Variants in BICDL1 observed in about 807,000 individuals in gnomAD.
BICDL1 encodes BICD family like cargo adaptor 1.
A neutral mutation model predicts 76.8 loss-of-function variants in BICDL1; 20 were observed. The ratio of observed to expected loss-of-function variants is 0.26; its 90% CI spans 0.18 to 0.38. The LOEUF (loss-of-function observed/expected upper bound fraction) is 0.38. BICDL1 is among the 10% of genes least tolerant of loss of function. The pLI, the probability that BICDL1 is intolerant of heterozygous loss-of-function variation, is 1.00. For synonymous variants in BICDL1, 383 were observed against 337.1 expected (o/e 1.14, Z -1.49); for missense variants, 700 against 798.6 (o/e 0.88, Z 1.49).
intron 1 of BICDL1, among the ~76,000 whole-genome samples, chr12:119,997,463 A>G (rs1270933248): frequency 6.6e-6 from 1 of 152,222 alleles, no homozygotes; most frequent in Admixed American, 6.5e-5. Context: ...TAGGTGCTCA[A>G]GAATGAATCA....
chr12:120,088,750 T>G (rs1025908560), intron 8 of BICDL1, among the ~76,000 whole-genome samples: 1 of 151,866 alleles, frequency 6.6e-6, no homozygotes, highest in Admixed American at 6.6e-5. Context: ...TACTGCAAGC[T>G]CCGCCTCCCG....
chr12:120,048,251 G>T (rs1952786388), intron 2 of BICDL1, among the ~76,000 whole-genome samples: 1 of 151,864 alleles, frequency 6.6e-6, no homozygotes, highest in Non-Finnish European at 1.5e-5. Flanking sequence ...CTATTTGCAG[G>T]CACGATCATA....
chr12:120,086,372 A>G (rs999208768), intron 8 of BICDL1, among the ~76,000 whole-genome samples: 2 of 152,240 alleles, frequency 1.3e-5, no homozygotes, highest in African/African-American at 2.4e-5. Context: ...GTTTTACCAG[A>G]TACTTCTTCC....
chr12:120,051,141 G>A (rs542337349), intron 2 of BICDL1, among the ~76,000 whole-genome samples: 12 of 150,414 alleles, frequency 8.0e-5, no homozygotes, highest in East Asian at 2.0e-4. Flanking sequence ...TCCACCACCC[G>A]GGTTCAAGCA....
chr12:120,048,019 C>T (rs189937455), intron 2 of BICDL1, among the ~76,000 whole-genome samples: 91 of 152,214 alleles, frequency 6.0e-4, no homozygotes, highest in African/African-American at 2.1e-3. Context: ...GACTCCTTTC[C>T]TCCCTCAATC....
intron 6 of BICDL1, among the ~76,000 whole-genome samples, chr12:120,074,191 G>A (rs915059505): frequency 1.3e-5 from 2 of 152,080 alleles, no homozygotes; most frequent in South Asian, 2.1e-4. Context: ...GGATTACAGC[G>A]TGAGCCACTG....
intron 2 of BICDL1, among the ~76,000 whole-genome samples, chr12:120,027,455 G>A (rs986690912): frequency 6.6e-6 from 1 of 152,116 alleles, no homozygotes; most frequent in Admixed American, 6.6e-5. Flanking sequence ...ATTTGAGATT[G>A]AAAATGGTGG....
intron 9 of BICDL1, chr12:120,092,138 A>C (rs1875026495): frequency 1.8e-5 from 18 of 985,324 alleles, no homozygotes; most frequent in Non-Finnish European, 2.2e-5. Flanking sequence ...TAGTGGCAGA[A>C]CTTTTGTCAA....
chr12:120,091,723 G>A (rs958293967), intron 9 of BICDL1: 8 of 985,358 alleles, frequency 8.1e-6, no homozygotes, highest in Middle Eastern at 5.2e-4. Context: ...GCTACCCCAC[G>A]ATGACTCAGG....
Position 120,013,439 on chromosome 12 carries a change from AGTGTGTGTGTGT to A in BICDL1, c.645+14736_645+14747del, listed in dbSNP as rs35499277. On this transcript the variant is annotated intron_variant, in intron 2 of 9. Transcript: ENST00000548673. Reference sequence around the variant, plus strand: ...TTGCAGGGACTATGTCTTTAACCAGAGTGTGTGTGTGTGTGTGTGTGTGTGTGTGTGTGTGTG... The same window carrying A: ...TTGCAGGGACTATGTCTTTAACCAGAGTGTGTGTGTGTGTGTGTGTGTGTG... 4.7e-4 allele frequency among the ~76,000 whole-genome samples: 63 copies of A among 134,890 alleles called. 1 individual carries two copies. Among genetic ancestry groups the A allele is most frequent in the Middle Eastern group, 7.4e-3 (2 of 272 alleles). 88.5% of individuals were successfully genotyped at this position (134,890 alleles called of 152,430 possible).
chr12:120,086,969 C>G (rs1264588185), intron 8 of BICDL1, among the ~76,000 whole-genome samples: 1 of 152,232 alleles, frequency 6.6e-6, no homozygotes, highest in Non-Finnish European at 1.5e-5. Flanking sequence ...CCCCACCATG[C>G]CCGGCGCTGC....
At position 120,039,637 on chromosome 12, in the gene BICDL1, C is replaced by CAAAAAAA. The variant is rs58284420; in HGVS notation, c.646-22056_646-22050dup. ...TGGGTGACAGAGTGAGACTCCGTCTCAAAAAAAAAAAAAAAAAAAAAAAGA... is the reference window on the plus strand; with the variant it reads ...TGGGTGACAGAGTGAGACTCCGTCTCAAAAAAAAAAAAAAAAAAAAAAAAAAAAAAGA... On this transcript the variant is annotated intron_variant, in intron 2 of 9. Transcript: ENST00000548673. Among the ~76,000 whole-genome samples the CAAAAAAA allele has an allele frequency of 3.1e-3, 170 of 54,242 alleles. 3 individuals are homozygous for CAAAAAAA. The highest frequency in any genetic ancestry group is 6.2e-3 in the African/African-American group (87 of 13,946). The allele number at this position is 54,242 out of a possible 152,430, so 35.6% of individuals were successfully genotyped here. A position where few individuals can be genotyped will look rare whatever the true frequency, so the allele number is the denominator to read the frequency against.
chr12:120,060,933 A>G (rs1457561425), intron 2 of BICDL1, among the ~76,000 whole-genome samples: 1 of 152,146 alleles, frequency 6.6e-6, no homozygotes, highest in East Asian at 1.9e-4. Context: ...TTTGGCCTCA[A>G]AAAAGCATTG....
chr12:120,080,949 T>C lies in BICDL1; in HGVS notation c.1515T>C (p.Thr505=), dbSNP rs1434189115. The C allele has an allele frequency of 6.2e-7, 1 of 1,613,780 alleles. No individual in the cohort carries two copies. Among genetic ancestry groups the C allele is most frequent in the Admixed American group, 1.7e-5 (1 of 59,990 alleles). Residue 505 remains threonine (T), a synonymous_variant, in exon 8 of 10, where the codon ACT becomes ACC. Coordinates refer to ENST00000548673, the MANE Select transcript of BICDL1 (RefSeq NM_001367886.1). ...LKEERDRLRV[T]SEDKEPKEQL... Reference sequence around the variant, plus strand: ...AGGAGAGAGACCGACTCAGAGTCACTTCTGAGGACAAGGAGCCAAAGGAGC... The same window carrying C: ...AGGAGAGAGACCGACTCAGAGTCACCTCTGAGGACAAGGAGCCAAAGGAGC...
In BICDL1 at chr12:120,071,764, G is replaced by C; in HGVS notation, c.1052G>C (p.Ser351Thr). ...TCCCTCCTGTCAGAGATCGAGCAGAGCATGGAGGCTGAGGAGCTGGAGCAG... is the reference window on the plus strand; with the variant it reads ...TCCCTCCTGTCAGAGATCGAGCAGACCATGGAGGCTGAGGAGCTGGAGCAG... The part of the protein sequence containing the change: ...STSLLSEIEQ[S>T]MEAEELEQER... Residue 351 changes from serine (S) to threonine (T), a missense_variant, in exon 5 of 10, where the codon AGC becomes ACC. Coordinates refer to ENST00000548673, the MANE Select transcript of BICDL1 (RefSeq NM_001367886.1). The surrounding 1 kb of genome is among the most constrained non-coding windows in gnomAD (Gnocchi z 4.8). 2.5e-6 allele frequency: 4 copies of C among 1,611,414 alleles called. No homozygotes were observed. The highest frequency in any genetic ancestry group is 2.5e-6 in the Non-Finnish European group (3 of 1,179,560).
At chr12:120,092,946 G>C (rs1875107855) in intron 9 of BICDL1, 54 bp from the exon 10 acceptor site, 1 of 1,497,508 alleles carries the variant, frequency 6.7e-7, no homozygotes, top group South Asian at 1.4e-5. Flanking sequence ...TCCAGCCCCA[G>C]GGTTAGGTGA....
Position 120,093,278 on chromosome 12 carries a change from GC to G in BICDL1, c.*121del, listed in dbSNP as rs1218545258. ...CAGCTGCCCTGCCCCTCATGCTAGG[GC>G]CCCATGGGTCCGGGAGGGCCTGCTC... On this transcript the variant is annotated 3_prime_UTR_variant, in exon 10 of 10. Coordinates refer to ENST00000548673, the MANE Select transcript of BICDL1 (RefSeq NM_001367886.1). 5 of 1,237,410 alleles carry G rather than the reference GC, an allele frequency of 4.0e-6. No homozygotes were observed. The highest frequency in any genetic ancestry group is 2.3e-6 in the Non-Finnish European group (2 of 879,900). 76.7% of individuals were successfully genotyped at this position (1,237,410 alleles called of 1,614,324 possible). A position where few individuals can be genotyped will look rare whatever the true frequency, so the allele number is the denominator to read the frequency against.
intron 2 of BICDL1, among the ~76,000 whole-genome samples, chr12:120,045,607 A>T (rs1207419691): frequency 6.6e-6 from 1 of 151,978 alleles, no homozygotes; most frequent in East Asian, 1.9e-4. Flanking sequence ...TGATGAGTTC[A>T]TGTCCTTTGT....
chr12:120,050,597 T>C (rs1033369211), intron 2 of BICDL1, among the ~76,000 whole-genome samples: 11 of 151,858 alleles, frequency 7.2e-5, no homozygotes. Flanking sequence ...TGTCTTCTAA[T>C]GCTTAGAAGT....
Sources: gnomAD v4.1 joint callset for allele counts (sites outside exome capture counted in the v4.1 genomes callset) on GRCh38, gnomAD v4.1.1 for gene constraint, Gnocchi (gnomAD v3.1) non-coding constraint, MANE v1.5 for transcripts, NCBI Gene and HGNC (gene_info 2026-07-23, HGNC 2026-07-21) for gene names.